Variants in STRN observed in about 807,000 individuals in gnomAD.
The protein encoded by STRN is striatin.
In STRN, 53 loss-of-function variants were observed where a neutral mutation model predicts 96.3. The observed-to-expected ratio is 0.55, with a 90% CI of 0.44 to 0.69. The LOEUF is 0.69. STRN is among the 30% of genes least tolerant of loss of function. The probability of loss-of-function intolerance (pLI) is 0.00; values close to 1 mark genes in which losing one functional copy is unlikely to be tolerated. For missense variants in STRN, 987 were observed against 963.9 expected (o/e 1.02, Z -0.32); for synonymous variants, 428 against 355.9 (o/e 1.20, Z -2.28).
intron 13 of STRN, among the ~76,000 whole-genome samples, chr2:36,859,893 G>C (rs1256930940): frequency 6.6e-6 from 1 of 152,188 alleles, no homozygotes; most frequent in Non-Finnish European, 1.5e-5. Context: ...CTTGTTACAT[G>C]TAAGTGTTGT....
At chr2:36,909,105 G>A (rs925051568) in intron 3 of STRN, among the ~76,000 whole-genome samples, 1 of 146,758 alleles carries the variant, frequency 6.8e-6, no homozygotes, top group African/African-American at 2.6e-5. Flanking sequence ...GCAGTGAATC[G>A]AGATTGCACC....
At position 36,899,530 on chromosome 2, in the gene STRN, G is replaced by T. The variant is rs764706994; in HGVS notation, c.788C>A (p.Thr263Asn). ...VDGREKSVID[T>N]STIVRKKALP... ...ATGAGTTATCTAACTCACTGTTGAA[G>T]TATCAATGACGCTTTTCTCTCTTCC... Residue 263 changes from threonine to asparagine, a missense_variant, in exon 6 of 18, where the codon ACT becomes AAT. Thr to Asn is a moderately conservative substitution (Grantham distance 65, BLOSUM62 0). Coordinates refer to ENST00000263918, the MANE Select transcript of STRN (RefSeq NM_003162.4). 1 of 1,611,856 alleles carries T rather than the reference G, an allele frequency of 6.2e-7. No homozygotes were observed. The highest frequency in any genetic ancestry group is 1.7e-5 in the Admixed American group (1 of 59,220).
chr2:36,918,062 T>C (rs1670156189), intron 2 of STRN, among the ~76,000 whole-genome samples: 1 of 152,156 alleles, frequency 6.6e-6, no homozygotes, highest in African/African-American at 2.4e-5. Context: ...TTGCTGTTAT[T>C]TGATTAATTA....
chr2:36,947,489 C>A (rs891541930), intron 1 of STRN, among the ~76,000 whole-genome samples: 1 of 150,484 alleles, frequency 6.6e-6, no homozygotes, highest in African/African-American at 2.4e-5. Flanking sequence ...CAAATTCCTA[C>A]CTTTATTACA....
intron 1 of STRN, among the ~76,000 whole-genome samples, chr2:36,931,061 A>C (rs1378343098): frequency 6.6e-6 from 1 of 151,910 alleles, no homozygotes; most frequent in Non-Finnish European, 1.5e-5. Context: ...AGAAGCAAAG[A>C]ATAGTCCCAG....
chr2:36,894,670 C>G (rs974746203), intron 6 of STRN, among the ~76,000 whole-genome samples: 1 of 152,192 alleles, frequency 6.6e-6, no homozygotes, highest in Non-Finnish European at 1.5e-5. Flanking sequence ...ATTTCAATAT[C>G]TCAGTTTCTC....
At chr2:36,855,398 T>G in intron 14 of STRN, 46 bp from the exon 15 acceptor site, 1 of 1,600,872 alleles carries the variant, frequency 6.2e-7, no homozygotes, top group Admixed American at 1.7e-5. Context: ...AACCATCTAC[T>G]TGACAATCTG....
intron 1 of STRN, among the ~76,000 whole-genome samples, chr2:36,936,580 A>G (rs1251491018): frequency 6.6e-6 from 1 of 152,222 alleles, no homozygotes; most frequent in Non-Finnish European, 1.5e-5. Context: ...ACTTAACAGA[A>G]AACTACATGT....
At chr2:36,884,485 C>G (rs1034369939) in intron 8 of STRN, among the ~76,000 whole-genome samples, 3 of 152,060 alleles carry the variant, frequency 2.0e-5, no homozygotes, top group African/African-American at 7.2e-5. Flanking sequence ...GCTATGGTAC[C>G]CGAGGTGAAG....
chr2:36,915,232 A>AATATATATATAT lies in STRN; in HGVS notation c.412+834_412+845dup, dbSNP rs72466696. Among the ~76,000 whole-genome samples, 354 of 86,378 alleles carry AATATATATATAT rather than the reference A, an allele frequency of 4.1e-3. 5 individuals carry two copies. Among genetic ancestry groups the AATATATATATAT allele is most frequent in the East Asian group, 8.6e-3 (20 of 2,316 alleles). 56.7% of individuals were successfully genotyped at this position (86,378 alleles called of 152,430 possible). A position where few individuals can be genotyped will look rare whatever the true frequency, so the allele number is the denominator to read the frequency against. On this transcript the variant is annotated intron_variant, in intron 3 of 17. Coordinates refer to ENST00000263918, the MANE Select transcript of STRN (RefSeq NM_003162.4). ...AAAGGAAATTTAAACTGAATACATA[A>AATATATATATAT]ATATATATATATATATATATATATA... is the stretch of plus-strand genomic sequence containing the variant.
intron 3 of STRN, among the ~76,000 whole-genome samples, chr2:36,906,398 G>C (rs1302895013): frequency 3.9e-5 from 6 of 152,140 alleles, no homozygotes; most frequent in Non-Finnish European, 7.3e-5. Context: ...AGACGAGGCT[G>C]CAGTGAGCTG....
At chr2:36,896,425 C>A (rs1366947512) in intron 6 of STRN, among the ~76,000 whole-genome samples, 1 of 152,158 alleles carries the variant, frequency 6.6e-6, no homozygotes, top group Non-Finnish European at 1.5e-5. Flanking sequence ...GTGTTTACCA[C>A]TGGAGAACAG....
At chr2:36,950,594 G>T (rs1026824863) in intron 1 of STRN, among the ~76,000 whole-genome samples, 1 of 152,144 alleles carries the variant, frequency 6.6e-6, no homozygotes, top group African/African-American at 2.4e-5. Context: ...ATTACTGCTT[G>T]ATTATATGCC....
At chr2:36,952,891 C>T (rs1285287294) in intron 1 of STRN, among the ~76,000 whole-genome samples, 1 of 152,084 alleles carries the variant, frequency 6.6e-6, no homozygotes, top group Non-Finnish European at 1.5e-5. Flanking sequence ...TTTGGTTGTG[C>T]CTATAATTTA....
chr2:36,931,495 C>T (rs1044151246), intron 1 of STRN, among the ~76,000 whole-genome samples: 17 of 152,088 alleles, frequency 1.1e-4, no homozygotes, highest in South Asian at 6.2e-4. Context: ...TACTAATAAA[C>T]GAGGATTCAA....
chr2:36,857,923 A>G lies in STRN; in HGVS notation c.1770T>C (p.Asp590=). 1 of 1,614,098 alleles carries G rather than the reference A, an allele frequency of 6.2e-7. No homozygotes were observed. The highest frequency in any genetic ancestry group is 8.5e-7 in the Non-Finnish European group (1 of 1,179,964). ...AHQRLLSCSA[D]GTLRLWNTTE... is the part of the protein sequence containing the mutation. ...TTGTATTCCATAAACGCAGAGTGCC[A>G]TCTGCTGAACAGGACAACAAACGCT... Residue 590 remains aspartate (D), a synonymous_variant, in exon 14 of 18, where the codon GAT becomes GAC. Coordinates refer to ENST00000263918, the MANE Select transcript of STRN (RefSeq NM_003162.4).
intron 12 of STRN, among the ~76,000 whole-genome samples, chr2:36,866,873 T>C (rs1668642747): frequency 6.6e-6 from 1 of 152,216 alleles, no homozygotes; most frequent in Non-Finnish European, 1.5e-5. Flanking sequence ...TTCCATTTGC[T>C]TGGTTGATTG....
intron 3 of STRN, among the ~76,000 whole-genome samples, chr2:36,913,687 C>T (rs1451865399): frequency 1.3e-5 from 2 of 152,116 alleles, no homozygotes; most frequent in East Asian, 1.9e-4. Flanking sequence ...GTCTGAAAAA[C>T]ATTATATATA....
At chr2:36,883,830 G>A (rs567679060) in intron 9 of STRN, 102 bp downstream of exon 9, 116 of 1,127,048 alleles carry the variant, frequency 1.0e-4, no homozygotes, top group Non-Finnish European at 8.2e-5. Context: ...TCAAACATCT[G>A]CAGAATAAAG....
Sources: allele counts gnomAD v4.1 joint callset (sites outside exome capture counted in the v4.1 genomes callset), GRCh38; gene constraint gnomAD v4.1.1; transcripts MANE v1.5; gene names NCBI Gene and HGNC (gene_info 2026-07-23, HGNC 2026-07-21).